The following PALB2 variants were observed in gnomAD, a reference collection of about 807,000 sequenced individuals.
PALB2 encodes mutant partner and localizer of BRCA2.
PALB2 carries 82 observed loss-of-function variants against 107.4 expected under a neutral mutation model. The ratio of observed to expected loss-of-function variants is 0.76; its 90% CI spans 0.64 to 0.92. The LOEUF (loss-of-function observed/expected upper bound fraction) is 0.92. Ranked by LOEUF, PALB2 falls within the 40% of genes least tolerant of loss-of-function variation. The pLI, the probability that PALB2 is intolerant of heterozygous loss-of-function variation, is 0.00. For missense variants in PALB2, 1,374 were observed against 1,379.9 expected (o/e 1.00, Z 0.07); for synonymous variants, 489 against 496.8 (o/e 0.98, Z 0.21).
chr16:23,609,800 G>A (rs966006612), intron 11 of PALB2, among the ~76,000 whole-genome samples: 2 of 152,144 alleles, frequency 1.3e-5, no homozygotes, highest in African/African-American at 2.4e-5. Context: ...ACAGGCGTGA[G>A]CCACCGCGCC....
rs1249574615 is a variant in PALB2, at chr16:23,638,332, C to A, written c.49-203G>T. On this transcript the variant is annotated intron_variant, in intron 1 of 12. Transcript: ENST00000261584. ...CCTGTTCCTATCATCTGGAACATGTCCTTCCTTTGCCAATTCCTACTGATT... is the reference window on the plus strand; with the variant it reads ...CCTGTTCCTATCATCTGGAACATGTACTTCCTTTGCCAATTCCTACTGATT... 12 of 620,494 alleles carry A rather than the reference C, an allele frequency of 1.9e-5. No individual in the cohort carries two copies. The Admixed American group carries it at 2.7e-4, about 14-fold the overall frequency. The allele number at this position is 620,494 out of a possible 1,614,324, so 38.4% of individuals were successfully genotyped here.
Position 23,634,975 on chromosome 16 carries a change from G to C in PALB2, c.1571C>G (p.Ser524Ter), listed in dbSNP as rs587776413. 1.2e-6 allele frequency: 2 copies of C among 1,614,204 alleles called. No individual in the cohort carries two copies. The highest frequency in any genetic ancestry group is 1.3e-5 in the African/African-American group (1 of 75,052). Residue 524 changes from serine (S) to a stop codon, truncating the protein, a stop_gained, in exon 4 of 13, where the codon TCA becomes TGA. Transcript: ENST00000261584. LOFTEE classifies it high-confidence loss of function. ...TGGCAAAAGTGGTTCACAATGATCT[G>C]ATGCTGGGGTGCAGGCTGATTTTCT... ...GKRKSACTPA[S>*]DHCEPLLPTS...
Position 23,622,845 on chromosome 16 carries a change from G to A in PALB2, c.2996+124C>T, listed in dbSNP as rs151026179. On this transcript the variant is annotated intron_variant, in intron 9 of 12. Transcript: ENST00000261584. ...CTATGTCATAACCTAGTGTTGATGC[G>A]GTACATGCTTATATTACACCCCCAG... The A allele has an allele frequency of 4.2e-4, 446 of 1,059,926 alleles. 5 individuals are homozygous for A. The African/African-American group carries it at 5.2e-3, about 12-fold the overall frequency. 65.7% of individuals were successfully genotyped at this position (1,059,926 alleles called of 1,614,324 possible). A position where few individuals can be genotyped will look rare whatever the true frequency, so the allele number is the denominator to read the frequency against.
chr16:23,635,943 A>G lies in PALB2; in HGVS notation c.603T>C (p.Ser201=), dbSNP rs769647912. ...GAGAATCTGGAAGTTCAGATTTAAG[A>G]CTTAAAAGGTGAGTTCTTATTTCAG... ...PVTEIRTHLL[S]LKSELPDSPE... is the part of the protein sequence containing the mutation. Residue 201 remains serine, a synonymous_variant, in exon 4 of 13, where the codon AGT becomes AGC. Coordinates refer to ENST00000261584, the MANE Select transcript of PALB2 (RefSeq NM_024675.4). 1 of 1,614,052 alleles carries G rather than the reference A, an allele frequency of 6.2e-7. No homozygotes were observed. Among genetic ancestry groups the G allele is most frequent in the South Asian group, 1.1e-5 (1 of 91,092 alleles).
In PALB2 at chr16:23,613,989, C is replaced by A. The variant is rs1314617288; in HGVS notation, c.3201+15G>T. 3.1e-6 allele frequency: 5 copies of A among 1,591,966 alleles called. No homozygotes were observed. Among genetic ancestry groups the A allele is most frequent in the Non-Finnish European group, 4.3e-6 (5 of 1,160,198 alleles). ...ACAGTAACACACAAAGTGGTCCCAG[C>A]CAGTCATTACTTACCATTTCAGAAT... On this transcript the variant is annotated intron_variant, in intron 11 of 12. Transcript: ENST00000261584.
chr16:23,613,017 C>T (rs932011169), intron 11 of PALB2, among the ~76,000 whole-genome samples: 1 of 148,528 alleles, frequency 6.7e-6, no homozygotes, highest in East Asian at 2.0e-4. Context: ...CCTCCCAAAG[C>T]GTTTTTTTTT....
chr16:23,637,782 GAAC>G, intron 3 of PALB2, 65 bp downstream of exon 3: 2 of 1,255,466 alleles, frequency 1.6e-6, no homozygotes, highest in Non-Finnish European at 2.3e-6. Flanking sequence ...GTGGGAAAAA[GAAC>G]AATAGCCAAA....
chr16:23,614,042 A>G lies in PALB2; in HGVS notation c.3163T>C (p.Tyr1055His), dbSNP rs1319433657. Reference protein sequence around the residue: ...LLKKMHIDDSYQASVCHKAYS... With the variant: ...LLKKMHIDDSHQASVCHKAYS... ...GCTTTGTGACAGACTGAAGCTTGGT[A>G]AGAATCATCAATGTGCATCTTTTTC... Residue 1055 changes from tyrosine (Y) to histidine (H), a missense_variant, in exon 11 of 13, where the codon TAC becomes CAC. Tyr to His is a moderately conservative substitution (Grantham distance 83). Transcript: ENST00000261584. The G allele has an allele frequency of 1.9e-6, 3 of 1,613,794 alleles. No individual in the cohort carries two copies. The highest frequency in any genetic ancestry group is 2.2e-5 in the East Asian group (1 of 44,858).
intron 9 of PALB2, 73 bp downstream of exon 9, chr16:23,622,896 C>T: frequency 1.9e-6 from 3 of 1,575,486 alleles, no homozygotes; most frequent in Non-Finnish European, 2.6e-6. Context: ...TCCTAGTTAC[C>T]CAACTTTCTC....
At chr16:23,637,141 G>A (rs1211708932) in intron 3 of PALB2, among the ~76,000 whole-genome samples, 3 of 151,928 alleles carry the variant, frequency 2.0e-5, no homozygotes, top group East Asian at 1.9e-4. Flanking sequence ...CCAGGTACTC[G>A]GGAGGCTGAG....
chr16:23,621,615 T>A, intron 9 of PALB2, 137 bp from the exon 10 acceptor site: 1 of 664,930 alleles, frequency 1.5e-6, no homozygotes, highest in South Asian at 1.7e-5. Context: ...AAAACGTGTA[T>A]ACTAAACTTT....
Position 23,636,336 on chromosome 16 carries a change from T to G in PALB2, c.212-2A>C, listed in dbSNP as rs730881879. On this transcript the variant is annotated splice_acceptor_variant, in intron 3 of 12. Transcript: ENST00000261584. LOFTEE classifies it high-confidence loss of function. ...AAACACATATTTTATTTTTAGGTTC[T>G]GAGGAGGAAAAAAATGTATATAACT... 6.3e-7 allele frequency: 1 copy of G among 1,586,998 alleles called. No homozygotes were observed. Among genetic ancestry groups the G allele is most frequent in the Non-Finnish European group, 8.6e-7 (1 of 1,164,666 alleles).
rs1175612919 is a variant in PALB2, at chr16:23,641,196, C to A, written c.-39G>T. On this transcript the variant is annotated 5_prime_UTR_variant, in exon 1 of 13. Coordinates refer to ENST00000261584, the MANE Select transcript of PALB2 (RefSeq NM_024675.4). ...GAACGAAAAGAGCAGCCGTCGCCGA[C>A]CCCAGGCCTGCCGACACCGGGACCC... 2 of 1,604,560 alleles carry A rather than the reference C, an allele frequency of 1.2e-6. No homozygotes were observed. Among genetic ancestry groups the A allele is most frequent in the African/African-American group, 1.3e-5 (1 of 74,764 alleles).
rs924962120 is a variant in PALB2 at position 23,629,547 on chromosome 16, G to A, written c.2514+93C>T. ...AACACGTCAAACCATTCTTAAACGT[G>A]GAAGGCCCAATGCGCAAGCAAGTCA... On this transcript the variant is annotated intron_variant, in intron 5 of 12. Coordinates refer to ENST00000261584, the MANE Select transcript of PALB2 (RefSeq NM_024675.4). The A allele has an allele frequency of 4.1e-6, 5 of 1,218,432 alleles. No individual in the cohort carries two copies. In the African/African-American group the frequency reaches 5.9e-5, roughly 14 times the overall value. 75.5% of individuals were successfully genotyped at this position (1,218,432 alleles called of 1,614,324 possible).
chr16:23,622,933 A>T (rs2142333782), intron 9 of PALB2, 36 bp downstream of exon 9: 7 of 1,611,834 alleles, frequency 4.3e-6, no homozygotes, highest in Non-Finnish European at 5.1e-6. Context: ...ATCATTCTTC[A>T]TCTAATAGTT....
At chr16:23,608,691 A>G (rs750545857) in intron 11 of PALB2, among the ~76,000 whole-genome samples, 5 of 151,976 alleles carry the variant, frequency 3.3e-5, no homozygotes, top group Admixed American at 6.6e-5. Flanking sequence ...GGTGACCAAA[A>G]AAAGATACCA....
chr16:23,640,199 A>C (rs1427814880), intron 1 of PALB2: 1 of 177,304 alleles, frequency 5.6e-6, no homozygotes, highest in Non-Finnish European at 1.2e-5. Context: ...CCTCCCACCA[A>C]TCTTATCAAT....
At chr16:23,610,591 G>A (rs1966567543) in intron 11 of PALB2, among the ~76,000 whole-genome samples, 1 of 151,930 alleles carries the variant, frequency 6.6e-6, no homozygotes, top group Non-Finnish European at 1.5e-5. Flanking sequence ...ACAGGTGTGA[G>A]CCACCACGCC....
At chr16:23,616,161 G>A (rs1053098909) in intron 10 of PALB2, among the ~76,000 whole-genome samples, 6 of 151,990 alleles carry the variant, frequency 3.9e-5, no homozygotes, top group African/African-American at 9.7e-5. Flanking sequence ...TGTTACTGAC[G>A]AATTCCCATC....
Sources: gnomAD v4.1 joint callset for allele counts (sites outside exome capture counted in the v4.1 genomes callset) on GRCh38, gnomAD v4.1.1 for gene constraint, MANE v1.5 for transcripts, NCBI Gene and HGNC (gene_info 2026-07-23, HGNC 2026-07-21) for gene names.